Variants in TMEM132C observed in about 807,000 individuals in gnomAD.
TMEM132C encodes protein phosphatase 1, regulatory subunit 152.
Under a neutral mutation model 61.4 loss-of-function variants are expected in TMEM132C, and 29 were observed. The ratio of observed to expected loss-of-function variants is 0.47; its 90% CI spans 0.35 to 0.64. The LOEUF (loss-of-function observed/expected upper bound fraction) is 0.64, where lower values mean the gene tolerates loss of function less well. Ranked by LOEUF, TMEM132C falls within the 30% of genes least tolerant of loss-of-function variation. The pLI is 0.00. For synonymous variants in TMEM132C, 656 were observed against 633.1 expected (o/e 1.04, Z -0.54); for missense variants, 1,408 against 1,476.9 (o/e 0.95, Z 0.76).
intron 3 of TMEM132C, among the ~76,000 whole-genome samples, chr12:128,555,504 C>G (rs1874302471): frequency 6.6e-6 from 1 of 152,184 alleles, no homozygotes; most frequent in Non-Finnish European, 1.5e-5. Context: ...GTCTCCCACT[C>G]CACACACGCA....
intron 1 of TMEM132C, among the ~76,000 whole-genome samples, chr12:128,276,293 C>A (rs559180337): frequency 1.4e-4 from 21 of 152,148 alleles, no homozygotes; most frequent in Non-Finnish European, 2.9e-5. Context: ...ACAATGGAAA[C>A]CTTACATAGA....
Position 128,414,811 on chromosome 12 carries a change from C to T in TMEM132C, c.165C>T (p.Ile55=). ...CTTACCTACCTGTGAGCTACCACAT[C>T]CTCAGAGCAGAGACCTCCTTCTTCC... ...LPPYLPVSYH[I]LRAETSFFLK... is the part of the protein sequence containing the mutation. Residue 55 remains isoleucine, a synonymous_variant, in exon 2 of 9, where the codon ATC becomes ATT. Coordinates refer to ENST00000435159, the MANE Select transcript of TMEM132C (RefSeq NM_001136103.3). The T allele has an allele frequency of 6.5e-7, 1 of 1,543,986 alleles. No homozygotes were observed. Among genetic ancestry groups the T allele is most frequent in the Non-Finnish European group, 8.7e-7 (1 of 1,146,950 alleles).
chr12:128,673,413 ATG>A (rs1351133524), intron 5 of TMEM132C, among the ~76,000 whole-genome samples: 1 of 152,276 alleles, frequency 6.6e-6, no homozygotes, highest in Admixed American at 6.5e-5. Flanking sequence ...TGAGAAATAA[ATG>A]TGTGTGTGTT....
At chr12:128,527,954 C>T (rs1873148352) in intron 2 of TMEM132C, among the ~76,000 whole-genome samples, 1 of 152,042 alleles carries the variant, frequency 6.6e-6, no homozygotes, top group Non-Finnish European at 1.5e-5. Flanking sequence ...AAAAAAGAAG[C>T]ATAGCAAAAG....
At chr12:128,557,206 T>C (rs1418813308) in intron 3 of TMEM132C, among the ~76,000 whole-genome samples, 1 of 152,228 alleles carries the variant, frequency 6.6e-6, no homozygotes, top group African/African-American at 2.4e-5. Flanking sequence ...CAGCATTACC[T>C]CTGGAAGCTT....
At chr12:128,462,268 A>C (rs1391778319) in intron 2 of TMEM132C, among the ~76,000 whole-genome samples, 1 of 151,234 alleles carries the variant, frequency 6.6e-6, no homozygotes, top group African/African-American at 2.4e-5. Flanking sequence ...ACCACACCCT[A>C]CTCATTTTTG....
At chr12:128,364,965 G>A (rs560481866) in intron 1 of TMEM132C, among the ~76,000 whole-genome samples, 2 of 152,350 alleles carry the variant, frequency 1.3e-5, no homozygotes, top group South Asian at 2.1e-4. Flanking sequence ...AGCCATCTGC[G>A]GGTAAGGAGG....
At chr12:128,378,322 T>C (rs375960234) in intron 1 of TMEM132C, among the ~76,000 whole-genome samples, 11 of 152,084 alleles carry the variant, frequency 7.2e-5, no homozygotes, top group Non-Finnish European at 1.5e-4. Flanking sequence ...TTGACCATGT[T>C]AGCCAGGATG....
chr12:128,543,943 C>T lies in TMEM132C; in HGVS notation c.975-14C>T. 1 of 1,543,202 alleles carries T rather than the reference C, an allele frequency of 6.5e-7. No individual in the cohort carries two copies. Among genetic ancestry groups the T allele is most frequent in the Non-Finnish European group, 8.7e-7 (1 of 1,143,420 alleles). On this transcript the variant is annotated splice_polypyrimidine_tract_variant and intron_variant, in intron 2 of 8. Coordinates refer to ENST00000435159, the MANE Select transcript of TMEM132C (RefSeq NM_001136103.3). ...AACCCTGTCTCTCTCTCTCTCCCAT[C>T]TTCATCCCCACAGAGCCAAGGTGAA...
At chr12:128,300,930 A>G (rs999334913) in intron 1 of TMEM132C, among the ~76,000 whole-genome samples, 2 of 152,174 alleles carry the variant, frequency 1.3e-5, no homozygotes, top group Non-Finnish European at 2.9e-5. Context: ...AGTCCCAGCT[A>G]CTTGGGAGGC....
At chr12:128,509,148 T>C (rs1354873004) in intron 2 of TMEM132C, among the ~76,000 whole-genome samples, 1 of 152,168 alleles carries the variant, frequency 6.6e-6, no homozygotes. Flanking sequence ...AAGCAACAAA[T>C]GACTGAGTCA....
In TMEM132C at chr12:128,415,580, A is replaced by G; in HGVS notation, c.934A>G (p.Thr312Ala). 1 of 1,547,702 alleles carries G rather than the reference A, an allele frequency of 6.5e-7. No homozygotes were observed. The highest frequency in any genetic ancestry group is 8.7e-7 in the Non-Finnish European group (1 of 1,145,136). ...KQGEVVTAYV[T>A]ISSNSSVDLF... is the part of the protein sequence containing the mutation. ...GGGAGAGGTGGTCACGGCCTATGTC[A>G]CCATCTCGAGCAATTCCTCTGTGGA... The change falls in exon 2 of 9, where the codon ACC becomes GCC. Residue 312 changes from threonine (T) to alanine (A), a missense_variant. Coordinates refer to ENST00000435159, the MANE Select transcript of TMEM132C (RefSeq NM_001136103.3). This position sits in a 1 kb window ranked among gnomAD's most constrained non-coding sequence, Gnocchi z 5.8.
intron 5 of TMEM132C, among the ~76,000 whole-genome samples, chr12:128,680,917 G>A (rs954094910): frequency 2.0e-5 from 3 of 152,214 alleles, no homozygotes; most frequent in African/African-American, 2.4e-5. Flanking sequence ...CACGGACCTT[G>A]CAGCTGGTCT....
chr12:128,448,374 G>T (rs1436820720), intron 2 of TMEM132C, among the ~76,000 whole-genome samples: 1 of 152,102 alleles, frequency 6.6e-6, no homozygotes, highest in Non-Finnish European at 1.5e-5. Context: ...CTCTTGGCCG[G>T]GCTCACTCAT....
At chr12:128,562,627 C>A (rs1160455810) in intron 3 of TMEM132C, among the ~76,000 whole-genome samples, 1 of 152,174 alleles carries the variant, frequency 6.6e-6, no homozygotes, top group Non-Finnish European at 1.5e-5. Context: ...AGCAAATCAC[C>A]TTAATACTTC....
chr12:128,624,374 T>C (rs1461288867), intron 4 of TMEM132C, among the ~76,000 whole-genome samples: 1 of 151,724 alleles, frequency 6.6e-6, no homozygotes, highest in African/African-American at 2.4e-5. Context: ...CGAAACCCCG[T>C]CTCTACTAAA....
intron 3 of TMEM132C, among the ~76,000 whole-genome samples, chr12:128,608,898 A>G (rs1313306973): frequency 1.3e-5 from 2 of 152,228 alleles, no homozygotes; most frequent in South Asian, 2.1e-4. Flanking sequence ...TGGCATGGAT[A>G]TGATTTGCAA....
intron 2 of TMEM132C, among the ~76,000 whole-genome samples, chr12:128,440,423 T>A (rs1869745069): frequency 6.6e-6 from 1 of 152,156 alleles, no homozygotes; most frequent in Non-Finnish European, 1.5e-5. Context: ...GGACCCACCA[T>A]GCCCAGAGTA....
At chr12:128,547,849 C>T (rs929304598) in intron 3 of TMEM132C, among the ~76,000 whole-genome samples, 2 of 152,234 alleles carry the variant, frequency 1.3e-5, no homozygotes, top group African/African-American at 4.8e-5. Flanking sequence ...CCATTCCCAT[C>T]TGTAGCTGTT....
Sources: allele counts gnomAD v4.1 joint callset (sites outside exome capture counted in the v4.1 genomes callset), GRCh38; gene constraint gnomAD v4.1.1; non-coding constraint Gnocchi (gnomAD v3.1); transcripts MANE v1.5; gene names NCBI Gene and HGNC (gene_info 2026-07-23, HGNC 2026-07-21).